Variants in TTC7A observed in about 807,000 individuals in gnomAD.
TTC7A encodes tetratricopeptide repeat domain 7A.
In TTC7A, 110 loss-of-function variants were observed where a neutral mutation model predicts 103.7. That is an observed-to-expected ratio of 1.06 (90% confidence interval 0.91 to 1.24). The LOEUF is 1.24. Ranked by LOEUF, TTC7A falls within the 50% of genes most tolerant of loss-of-function variation. TTC7A has a pLI of 0.00. For synonymous variants in TTC7A, 521 were observed against 467.9 expected (o/e 1.11, Z -1.47); for missense variants, 1,340 against 1,116.3 (o/e 1.20, Z -2.86).
chr2:47,008,996 C>T lies in TTC7A; in HGVS notation c.1287+2272C>T, dbSNP rs1039917889. Among the ~76,000 whole-genome samples, 5 of 151,340 alleles carry T rather than the reference C, an allele frequency of 3.3e-5. No homozygotes were observed. The South Asian group carries it at 8.3e-4, about 25-fold the overall frequency. On this transcript the variant is annotated intron_variant, in intron 10 of 19. Transcript: ENST00000319190. ...TGGTGTACGTGGGGGTGGGGTGGAA[C>T]GGGGTGGAATGCAGAGGGTCAGGGT...
chr2:47,027,319 C>T (rs1271366749), intron 14 of TTC7A, among the ~76,000 whole-genome samples: 1 of 152,182 alleles, frequency 6.6e-6, no homozygotes, highest in Non-Finnish European at 1.5e-5. Context: ...TGGCCTTGAC[C>T]TGCGACAGCT....
intron 3 of TTC7A, chr2:46,974,587 C>G: frequency 2.2e-6 from 1 of 447,024 alleles, no homozygotes; most frequent in East Asian, 6.9e-5. Context: ...TATTGCATTT[C>G]TAAAGAGCTA....
At chr2:47,071,765 C>T (rs1226941322) in intron 19 of TTC7A, among the ~76,000 whole-genome samples, 2 of 152,224 alleles carry the variant, frequency 1.3e-5, no homozygotes, top group Non-Finnish European at 2.9e-5. Flanking sequence ...AGCCTGCAGA[C>T]ACATCTGGCC....
rs1324322662 is a variant in TTC7A at position 47,074,110 on chromosome 2, T to C, written c.*187T>C. 5 of 600,646 alleles carry C rather than the reference T, an allele frequency of 8.3e-6. No individual in the cohort carries two copies. The highest frequency in any genetic ancestry group is 1.5e-5 in the Non-Finnish European group (5 of 338,686). The allele number at this position is 600,646 out of a possible 1,614,324, so 37.2% of individuals were successfully genotyped here. A position where few individuals can be genotyped will look rare whatever the true frequency, so the allele number is the denominator to read the frequency against. On this transcript the variant is annotated 3_prime_UTR_variant, in exon 20 of 20. Transcript: ENST00000319190. ...AGAGGGCCTTCCTGGATTTCTTTGT[T>C]GGTGCCTTGGGAAACAGTCTGACTT...
intron 1 of TTC7A, among the ~76,000 whole-genome samples, 178 bp from the exon 2 acceptor site, chr2:46,950,185 T>A (rs1671282806): frequency 6.6e-6 from 1 of 152,238 alleles, no homozygotes; most frequent in East Asian, 1.9e-4. Context: ...CATAGTAGAA[T>A]GCCTGTGTCT....
At chr2:47,059,756 C>T (rs902715191) in intron 18 of TTC7A, among the ~76,000 whole-genome samples, 1 of 152,200 alleles carries the variant, frequency 6.6e-6, no homozygotes, top group Non-Finnish European at 1.5e-5. Flanking sequence ...GTTCTGAAGT[C>T]AGACAGCCCA....
intron 19 of TTC7A, among the ~76,000 whole-genome samples, chr2:47,062,529 A>G (rs1027029139): frequency 3.3e-5 from 5 of 152,210 alleles, no homozygotes; most frequent in African/African-American, 1.2e-4. Context: ...ATGCCTCGCC[A>G]GAGGTCACAT....
chr2:46,941,481 G>T lies in TTC7A; in HGVS notation c.-61G>T, dbSNP rs1016880663. The T allele has an allele frequency of 6.6e-7, 1 of 1,516,980 alleles. No individual in the cohort carries two copies. Among genetic ancestry groups the T allele is most frequent in the African/African-American group, 1.4e-5 (1 of 69,718 alleles). The allele number at this position is 1,516,980 out of a possible 1,614,324, so 94.0% of individuals were successfully genotyped here. Reference sequence around the variant, plus strand: ...CCCGCGAGTGCGCCCCAGCCAGGACGCCGCCCCCGGCCGGGTCTCCACTTC... The same window carrying T: ...CCCGCGAGTGCGCCCCAGCCAGGACTCCGCCCCCGGCCGGGTCTCCACTTC... On this transcript the variant is annotated 5_prime_UTR_variant, in exon 1 of 20. Coordinates refer to ENST00000319190, the MANE Select transcript of TTC7A (RefSeq NM_020458.4). This position sits in a 1 kb window ranked among gnomAD's most constrained non-coding sequence, Gnocchi z 4.2.
chr2:47,025,726 G>A (rs993697098), intron 14 of TTC7A, among the ~76,000 whole-genome samples: 5 of 152,082 alleles, frequency 3.3e-5, no homozygotes, highest in Admixed American at 6.5e-5. Context: ...CACTGTCGTC[G>A]GTGGCTTCGC....
At chr2:47,040,411 G>A (rs1194430470) in intron 15 of TTC7A, 1 of 152,220 alleles carries the variant, frequency 6.6e-6, no homozygotes, top group Admixed American at 6.5e-5. Context: ...AAGGGCGTTC[G>A]GCCTTAAAAG....
In TTC7A at chr2:47,021,990, G is replaced by A; in HGVS notation, c.1510+11G>A. On this transcript the variant is annotated intron_variant, in intron 12 of 19. Transcript: ENST00000319190. ...TGCAGGCCACCGACGGTGAGTGCCA[G>A]GCCCCAGGAGGCCTCTACTTGGGGA... 6.3e-7 allele frequency: 1 copy of A among 1,586,336 alleles called. No individual in the cohort carries two copies.
At chr2:46,934,142 A>G (rs1374523278) in intron 2 of TTC7A, among the ~76,000 whole-genome samples, 2 of 152,268 alleles carry the variant, frequency 1.3e-5, no homozygotes, top group Non-Finnish European at 2.9e-5. Flanking sequence ...CACCTAAGGT[A>G]CTGTTGACCT....
chr2:47,048,088 C>A (rs113997247), intron 16 of TTC7A, among the ~76,000 whole-genome samples: 2,716 of 152,294 alleles, frequency 0.018, 90 homozygotes, highest in African/African-American at 0.062. Flanking sequence ...TCTGCCTGGG[C>A]CAGCCCCACA....
At chr2:46,946,397 C>T (rs1670941478) in intron 1 of TTC7A, among the ~76,000 whole-genome samples, 1 of 152,108 alleles carries the variant, frequency 6.6e-6, no homozygotes, top group Non-Finnish European at 1.5e-5. Flanking sequence ...AAGCCTTTAT[C>T]CACCTGAATT....
chr2:46,957,688 T>A (rs1267841145), intron 3 of TTC7A, among the ~76,000 whole-genome samples: 1 of 152,214 alleles, frequency 6.6e-6, no homozygotes, highest in South Asian at 2.1e-4. Context: ...GCCATTTAAC[T>A]GGACCCCAAA....
At position 47,043,978 on chromosome 2, in the gene TTC7A, G is replaced by A. The variant is rs1323245277; in HGVS notation, c.1803-2337G>A. On this transcript the variant is annotated intron_variant, in intron 15 of 19. Coordinates refer to ENST00000319190, the MANE Select transcript of TTC7A (RefSeq NM_020458.4). ...GGGCTCTGGCAGAGAGAAGTGTGATGCCTGCAGAGGGCCCGGGGAATGCAG... is the reference window on the plus strand; with the variant it reads ...GGGCTCTGGCAGAGAGAAGTGTGATACCTGCAGAGGGCCCGGGGAATGCAG... 3.9e-5 allele frequency among the ~76,000 whole-genome samples: 6 copies of A among 152,318 alleles called. No individual in the cohort carries two copies. The South Asian group carries it at 1.2e-3, about 32-fold the overall frequency.
At chr2:46,979,789 CTGT>C (rs2104277409) in intron 5 of TTC7A, among the ~76,000 whole-genome samples, 1 of 152,338 alleles carries the variant, frequency 6.6e-6, no homozygotes, top group East Asian at 1.9e-4. Context: ...GGTTTCCTGC[CTGT>C]CTCTGCAGCA....
chr2:47,015,455 A>G (rs186676354), intron 11 of TTC7A, among the ~76,000 whole-genome samples: 4 of 152,306 alleles, frequency 2.6e-5, no homozygotes, highest in African/African-American at 9.6e-5. Context: ...GGGTAGTGGA[A>G]AAGTGCATAG....
At chr2:46,951,857 C>A (rs190415092) in intron 2 of TTC7A, 3 of 348,242 alleles carry the variant, frequency 8.6e-6, no homozygotes, top group South Asian at 6.6e-5. Flanking sequence ...GGTTGCAGGT[C>A]TCTTGGGAAG....
Sources: allele counts gnomAD v4.1 joint callset (sites outside exome capture counted in the v4.1 genomes callset), GRCh38; gene constraint gnomAD v4.1.1; non-coding constraint Gnocchi (gnomAD v3.1); transcripts MANE v1.5; gene names NCBI Gene and HGNC (gene_info 2026-07-23, HGNC 2026-07-21).